COX6C: variants seen among roughly 807,000 people sequenced by gnomAD.
COX6C encodes cytochrome c oxidase polypeptide VIc.
In COX6C, 3 loss-of-function variants were observed where a neutral mutation model predicts 6.9. The ratio of observed to expected loss-of-function variants is 0.43; its 90% CI spans 0.20 to 1.12. The LOEUF (loss-of-function observed/expected upper bound fraction) is 1.12, where lower values mean the gene tolerates loss of function less well. Among genes scored for constraint, COX6C ranks in the 50% most tolerant of loss-of-function variants. The pLI is 0.27. For missense variants in COX6C, 101 were observed against 97.3 expected (o/e 1.04, Z -0.16); for synonymous variants, 32 against 32.0 (o/e 1.00, Z 0.00).
rs1818021215 is a variant in COX6C, at chr8:99,890,770, G to A, written c.114+1138C>T. 2.0e-5 allele frequency among the ~76,000 whole-genome samples: 3 copies of A among 152,212 alleles called. 1 individual carries two copies. In the South Asian group the frequency reaches 6.2e-4, roughly 32 times the overall value. ...ACATTTTTACGGAAAAGTTGTAAAT[G>A]TGCAGCCTTTGATTAAAAATAAAGG... is the stretch of plus-strand genomic sequence containing the variant. On this transcript the variant is annotated intron_variant, in intron 2 of 3. Coordinates refer to ENST00000520468, the MANE Select transcript of COX6C (RefSeq NM_004374.4).
chr8:99,880,542 G>C (rs146654901), intron 3 of COX6C, among the ~76,000 whole-genome samples: 92 of 152,218 alleles, frequency 6.0e-4, no homozygotes, highest in African/African-American at 2.2e-3. Flanking sequence ...GCAGAGGAAA[G>C]AATCAGGAAA....
rs752663507 is a variant in COX6C, at chr8:99,883,381, C to CTA, written c.*15+4107_*15+4108dup. Among the ~76,000 whole-genome samples the CTA allele has an allele frequency of 1.0e-4, 15 of 150,186 alleles. No homozygotes were observed. The South Asian group carries it at 1.7e-3, about 17-fold the overall frequency. Reference sequence around the variant, plus strand: ...GGCATGTACCACCACACCCAGCTAACTATATATATATCTGTGTGTGTGTAT... The same window carrying CTA: ...GGCATGTACCACCACACCCAGCTAACTATATATATATATCTGTGTGTGTGTAT... On this transcript the variant is annotated intron_variant, in intron 3 of 3. Transcript: ENST00000520468.
At chr8:99,878,953 A>G (rs957502145) in intron 3 of COX6C, among the ~76,000 whole-genome samples, 1 of 152,186 alleles carries the variant, frequency 6.6e-6, no homozygotes, top group Non-Finnish European at 1.5e-5. Flanking sequence ...ACATATGATA[A>G]GGTTTATTGG....
At chr8:99,887,404 TA>T in intron 3 of COX6C, 85 bp downstream of exon 3, 1 of 692,962 alleles carries the variant, frequency 1.4e-6, no homozygotes, top group Non-Finnish European at 2.3e-6. Context: ...ATCTTAAGTC[TA>T]AACATTGTGA....
chr8:99,888,552 T>C (rs181587077), intron 2 of COX6C, among the ~76,000 whole-genome samples: 140 of 152,110 alleles, frequency 9.2e-4, no homozygotes, highest in Middle Eastern at 3.4e-3. Flanking sequence ...CTAGCCTGGG[T>C]GACAGAGCAA....
chr8:99,882,192 G>A (rs968661196), intron 3 of COX6C, among the ~76,000 whole-genome samples: 2 of 151,940 alleles, frequency 1.3e-5, no homozygotes, highest in African/African-American at 4.8e-5. Context: ...CTAGATAGAA[G>A]GATTAATAAG....
chr8:99,883,453 G>GTATATA (rs1554593062), intron 3 of COX6C, among the ~76,000 whole-genome samples: 12 of 135,192 alleles, frequency 8.9e-5, no homozygotes, highest in East Asian at 6.5e-4. Flanking sequence ...GTGTGTGTGT[G>GTATATA]TATATATATA....
chr8:99,891,593 G>A (rs1227967819), intron 2 of COX6C, among the ~76,000 whole-genome samples: 2 of 152,140 alleles, frequency 1.3e-5, no homozygotes, highest in Admixed American at 1.3e-4. Flanking sequence ...GCCCACAGAG[G>A]ACCCTGTGAA....
intron 2 of COX6C, among the ~76,000 whole-genome samples, chr8:99,891,644 GAT>G (rs1309428588): frequency 3.9e-5 from 6 of 152,176 alleles, no homozygotes; most frequent in Non-Finnish European, 8.8e-5. Context: ...GGCCTCAGAA[GAT>G]ATCAACCCTG....
At chr8:99,889,809 G>A (rs983524141) in intron 2 of COX6C, among the ~76,000 whole-genome samples, 4 of 151,884 alleles carry the variant, frequency 2.6e-5, no homozygotes, top group East Asian at 2.0e-4. Flanking sequence ...GAAGAAATGC[G>A]ACCGGGTGCG....
chr8:99,885,397 G>C (rs1351582753), intron 3 of COX6C, among the ~76,000 whole-genome samples: 2 of 152,178 alleles, frequency 1.3e-5, no homozygotes, highest in Non-Finnish European at 2.9e-5. Flanking sequence ...GAATCCACTA[G>C]AGGGGTCTTG....
In COX6C at chr8:99,893,492, TGA is replaced by T. The variant is rs962452673; in HGVS notation, c.-32+145_-32+146del. ...CCTCCCTCAGGCCGCAGCGGAAGCG[TGA>T]GAGAGTAGATGCGGGAGAGGCCTGA... is the stretch of plus-strand genomic sequence containing the variant. On this transcript the variant is annotated intron_variant, in intron 1 of 3. Coordinates refer to ENST00000520468, the MANE Select transcript of COX6C (RefSeq NM_004374.4). 2.6e-5 allele frequency: 4 copies of T among 151,632 alleles called. No individual in the cohort carries two copies. In the East Asian group the frequency reaches 7.8e-4, roughly 30 times the overall value. 9.4% of individuals were successfully genotyped at this position (151,632 alleles called of 1,614,324 possible).
At chr8:99,879,362 A>G (rs958654968) in intron 3 of COX6C, among the ~76,000 whole-genome samples, 3 of 152,156 alleles carry the variant, frequency 2.0e-5, no homozygotes, top group African/African-American at 7.2e-5. Context: ...TGTCCCAAAT[A>G]CTTTTTTTTA....
At chr8:99,889,952 G>A (rs1478082754) in intron 2 of COX6C, among the ~76,000 whole-genome samples, 1 of 151,850 alleles carries the variant, frequency 6.6e-6, no homozygotes, top group Admixed American at 6.6e-5. Context: ...AAATTAGCCG[G>A]GTGTGGTGGC....
chr8:99,884,679 TTC>T (rs2131005270), intron 3 of COX6C, among the ~76,000 whole-genome samples: 1 of 152,294 alleles, frequency 6.6e-6, no homozygotes, highest in African/African-American at 2.4e-5. Flanking sequence ...TTCAAGACCC[TTC>T]CAGTGAATTA....
At chr8:99,892,594 T>C (rs1380030485) in intron 1 of COX6C, among the ~76,000 whole-genome samples, 2 of 152,130 alleles carry the variant, frequency 1.3e-5, no homozygotes, top group Admixed American at 1.3e-4. Flanking sequence ...TAGTACATTT[T>C]ACTACCTAGA....
intron 1 of COX6C, 30 bp from the exon 2 acceptor site, chr8:99,892,082 A>G (rs2131012762): frequency 7.4e-7 from 1 of 1,348,020 alleles, no homozygotes; most frequent in Non-Finnish European, 1.0e-6. Context: ...ATGATTAAGT[A>G]CAGAGTTTAT....
chr8:99,892,732 G>A (rs904193254), intron 1 of COX6C, among the ~76,000 whole-genome samples: 1 of 150,330 alleles, frequency 6.7e-6, no homozygotes. Context: ...GACAAACTGC[G>A]GCACACTAGT....
At chr8:99,890,407 C>G (rs77848139) in intron 2 of COX6C, among the ~76,000 whole-genome samples, 9 of 152,152 alleles carry the variant, frequency 5.9e-5, no homozygotes, top group Non-Finnish European at 1.3e-4. Context: ...TTCACCTCCC[C>G]AACTTGACTC....
Sources: allele counts gnomAD v4.1 joint callset (sites outside exome capture counted in the v4.1 genomes callset), GRCh38; gene constraint gnomAD v4.1.1; transcripts MANE v1.5; gene names NCBI Gene and HGNC (gene_info 2026-07-23, HGNC 2026-07-21).